PPP6C: variants seen among roughly 807,000 people sequenced by gnomAD.
The protein encoded by PPP6C is protein phosphatase 6 catalytic subunit.
In PPP6C, 11 loss-of-function variants were observed where a neutral mutation model predicts 39.8. That is an observed-to-expected ratio of 0.28 (90% CI 0.17 to 0.46). The LOEUF is 0.46. PPP6C is among the 20% of genes least tolerant of loss of function. The pLI is 1.00. For synonymous variants in PPP6C, 129 were observed against 130.3 expected (o/e 0.99, Z 0.07); for missense variants, 211 against 373.9 (o/e 0.56, Z 3.59).
At chr9:125,176,582 G>A (rs144317554) in intron 1 of PPP6C, among the ~76,000 whole-genome samples, 24 of 152,256 alleles carry the variant, frequency 1.6e-4, no homozygotes, top group South Asian at 6.2e-4. Context: ...GCTTGAGCCC[G>A]GGAGGTCAAA....
intron 1 of PPP6C, among the ~76,000 whole-genome samples, chr9:125,172,263 G>A (rs1829187865): frequency 6.6e-6 from 1 of 151,878 alleles, no homozygotes; most frequent in Non-Finnish European, 1.5e-5. Context: ...TGTTGCCCAG[G>A]CTGGAGTCCA....
chr9:125,187,511 T>C (rs1195712369), intron 1 of PPP6C, among the ~76,000 whole-genome samples: 2 of 151,814 alleles, frequency 1.3e-5, no homozygotes, highest in East Asian at 3.8e-4. Context: ...CTCAAACTCC[T>C]GATCTCAAAT....
At chr9:125,170,241 C>CT (rs560169677) in intron 2 of PPP6C, among the ~76,000 whole-genome samples, 3,018 of 140,594 alleles carry the variant, frequency 0.021, 113 homozygotes, top group Admixed American at 0.088. Context: ...CTTTGAAATT[C>CT]TTTTTTTTTT....
intron 6 of PPP6C, chr9:125,151,136 G>C (rs1482131824): frequency 2.0e-5 from 28 of 1,386,948 alleles, no homozygotes; most frequent in Non-Finnish European, 2.8e-5. Context: ...CAGAAGAACT[G>C]CACTATTGTT....
rs546193143 is a variant in PPP6C at position 125,146,903 on chromosome 9, A to G, written c.*2770T>C. 3.3e-5 allele frequency: 5 copies of G among 152,316 alleles called. No homozygotes were observed. In the South Asian group the frequency reaches 6.2e-4, roughly 19 times the overall value. The allele number at this position is 152,316 out of a possible 1,614,324, so 9.4% of individuals were successfully genotyped here. On this transcript the variant is annotated 3_prime_UTR_variant, in exon 7 of 7. Transcript: ENST00000373547. ...CCTAATTTGCTTTCACAGTACAGGC[A>G]TTTTCCAAAACCTGGTTCTGGGCTT...
intron 6 of PPP6C, chr9:125,151,335 A>T: frequency 7.1e-7 from 1 of 1,417,752 alleles, no homozygotes; most frequent in Non-Finnish European, 1.0e-6. Flanking sequence ...CATGCAGCTG[A>T]CAAACTTCTC....
chr9:125,152,609 T>C (rs1264964078), intron 6 of PPP6C, among the ~76,000 whole-genome samples: 1 of 152,122 alleles, frequency 6.6e-6, no homozygotes, highest in Non-Finnish European at 1.5e-5. Flanking sequence ...GGTGGGCAGA[T>C]GACCTGAGGT....
chr9:125,185,755 T>C (rs1829516191), intron 1 of PPP6C, among the ~76,000 whole-genome samples: 1 of 150,704 alleles, frequency 6.6e-6, no homozygotes, highest in Admixed American at 6.6e-5. Context: ...GAGGCCGAGG[T>C]GGGTGCATCA....
intron 2 of PPP6C, among the ~76,000 whole-genome samples, chr9:125,164,303 T>A (rs972398731): frequency 7.2e-6 from 1 of 138,354 alleles, no homozygotes; most frequent in African/African-American, 2.7e-5. Context: ...CTCAGCTCAC[T>A]GCTGCCTCTG....
chr9:125,182,917 A>G (rs1829448329), intron 1 of PPP6C, among the ~76,000 whole-genome samples: 1 of 151,942 alleles, frequency 6.6e-6, no homozygotes, highest in African/African-American at 2.4e-5. Flanking sequence ...CAGTGTTTAG[A>G]GCACATTTGG....
At chr9:125,163,597 AT>A (rs112873678) in intron 2 of PPP6C, among the ~76,000 whole-genome samples, 11 of 151,202 alleles carry the variant, frequency 7.3e-5, no homozygotes, top group African/African-American at 2.7e-4. Flanking sequence ...GCCCCAGCTA[AT>A]TTATGTATTT....
In PPP6C at chr9:125,181,497, CT is replaced by C. The variant is rs1207270662; in HGVS notation, c.75+8146del. 2.0e-5 allele frequency among the ~76,000 whole-genome samples: 3 copies of C among 152,230 alleles called. No homozygotes were observed. In the East Asian group the frequency reaches 5.8e-4, roughly 29 times the overall value. ...TATCCCTCCCTTTACCCCGGACCCC[CT>C]GACAGGCCCCAGCATGTGATGTTCC... On this transcript the variant is annotated intron_variant, in intron 1 of 6. Coordinates refer to ENST00000373547, the MANE Select transcript of PPP6C (RefSeq NM_002721.5).
chr9:125,174,414 T>C lies in PPP6C; in HGVS notation c.76-3234A>G, dbSNP rs147825230. On this transcript the variant is annotated intron_variant, in intron 1 of 6. Transcript: ENST00000373547. ...AAAATCAGAAAACTTCAAAATAAAA[T>C]GATTTGCCTTCATTCCTAGGGTAAG... Among the ~76,000 whole-genome samples, 198 of 152,214 alleles carry C rather than the reference T, an allele frequency of 1.3e-3. 2 individuals carry two copies. The highest frequency in any genetic ancestry group is 4.5e-3 in the African/African-American group (186 of 41,536).
chr9:125,171,201 A>G, intron 1 of PPP6C, 21 bp from the exon 2 acceptor site: 2 of 1,497,694 alleles, frequency 1.3e-6, no homozygotes, highest in Non-Finnish European at 1.8e-6. Context: ...AGAAAATAAA[A>G]GGTAAACATT....
intron 6 of PPP6C, among the ~76,000 whole-genome samples, chr9:125,152,783 T>C (rs1487295373): frequency 6.6e-6 from 1 of 151,148 alleles, no homozygotes; most frequent in African/African-American, 2.4e-5. Flanking sequence ...TGAGCCGAGA[T>C]TGCACCATTG....
At chr9:125,171,452 C>T (rs954916387) in intron 1 of PPP6C, among the ~76,000 whole-genome samples, 1 of 82,868 alleles carries the variant, frequency 1.2e-5, no homozygotes, top group African/African-American at 5.6e-5. Flanking sequence ...CAAACACACA[C>T]ACACATATAC....
At chr9:125,165,809 T>G (rs1829000744) in intron 2 of PPP6C, among the ~76,000 whole-genome samples, 2 of 149,656 alleles carry the variant, frequency 1.3e-5, no homozygotes, top group Non-Finnish European at 3.0e-5. Flanking sequence ...TTTTTTTTTT[T>G]TTTTGGAGAC....
At position 125,147,510 on chromosome 9, in the gene PPP6C, G is replaced by A. The variant is rs934640911; in HGVS notation, c.*2163C>T. The A allele has an allele frequency of 1.3e-5, 2 of 151,942 alleles. No individual in the cohort carries two copies. The highest frequency in any genetic ancestry group is 2.4e-5 in the African/African-American group (1 of 41,332). The allele number at this position is 151,942 out of a possible 1,614,324, so 9.4% of individuals were successfully genotyped here. On this transcript the variant is annotated 3_prime_UTR_variant, in exon 7 of 7. Transcript: ENST00000373547. ...CATTAGCTCTCTCTTCCCTTTACACGTCTAATAGTAAAAACTATTTTTTCC... is the reference window on the plus strand; with the variant it reads ...CATTAGCTCTCTCTTCCCTTTACACATCTAATAGTAAAAACTATTTTTTCC...
intron 6 of PPP6C, among the ~76,000 whole-genome samples, chr9:125,151,940 G>A (rs1472808112): frequency 1.3e-5 from 2 of 152,146 alleles, no homozygotes; most frequent in African/African-American, 4.8e-5. Flanking sequence ...ATGCTTCAGG[G>A]TTTTCTTTGT....
Sources: gnomAD v4.1 joint callset for allele counts (sites outside exome capture counted in the v4.1 genomes callset) on GRCh38, gnomAD v4.1.1 for gene constraint, MANE v1.5 for transcripts, NCBI Gene and HGNC (gene_info 2026-07-23, HGNC 2026-07-21) for gene names.